The following CNTNAP2 variants were observed in gnomAD, a reference collection of about 807,000 sequenced individuals.
CNTNAP2 encodes the protein contactin associated protein 2.
Under a neutral mutation model 155.2 loss-of-function variants are expected in CNTNAP2, and 98 were observed. The ratio of observed to expected loss-of-function variants is 0.63; its 90% CI spans 0.54 to 0.75. The LOEUF (loss-of-function observed/expected upper bound fraction) is 0.75, where lower values mean the gene tolerates loss of function less well. Ranked by LOEUF, CNTNAP2 falls within the 30% of genes least tolerant of loss-of-function variation. CNTNAP2 has a pLI of 0.00. For missense variants in CNTNAP2, 1,727 were observed against 1,688.1 expected (o/e 1.02, Z -0.40); for synonymous variants, 651 against 631.2 (o/e 1.03, Z -0.47).
At chr7:147,714,827 A>C (rs1414364680) in intron 13 of CNTNAP2, among the ~76,000 whole-genome samples, 1 of 151,308 alleles carries the variant, frequency 6.6e-6, no homozygotes, top group Non-Finnish European at 1.5e-5. Context: ...TGTGCTACTT[A>C]TTTACAGCGG....
intron 18 of CNTNAP2, among the ~76,000 whole-genome samples, chr7:148,202,603 A>C (rs1795385664): frequency 6.6e-6 from 1 of 152,198 alleles, no homozygotes; most frequent in South Asian, 2.1e-4. Flanking sequence ...AGCATCTACA[A>C]AGGGGAAAAA....
intron 3 of CNTNAP2, among the ~76,000 whole-genome samples, chr7:146,851,120 G>T (rs1163440735): frequency 6.6e-6 from 1 of 151,990 alleles, no homozygotes; most frequent in Non-Finnish European, 1.5e-5. Flanking sequence ...GAGTAGCTTG[G>T]ATTACAGGCA....
intron 13 of CNTNAP2, among the ~76,000 whole-genome samples, chr7:147,817,379 T>C (rs185654743): frequency 1.3e-5 from 2 of 152,334 alleles, no homozygotes; most frequent in Admixed American, 1.3e-4. Context: ...ATCACTGTTA[T>C]CTTGTGAGAC....
Position 147,819,037 on chromosome 7 carries a change from AC to A in CNTNAP2, c.2099-84527del, listed in dbSNP as rs1347804122. Reference sequence around the variant, plus strand: ...CTTGCCGCATTTCTCACTCTGTTCTACAGAGCAATTTGGTTTACAGGTAATT... The same window carrying A: ...CTTGCCGCATTTCTCACTCTGTTCTAAGAGCAATTTGGTTTACAGGTAATT... On this transcript the variant is annotated intron_variant, in intron 13 of 23. Coordinates refer to ENST00000361727, the MANE Select transcript of CNTNAP2 (RefSeq NM_014141.6). Among the ~76,000 whole-genome samples, 3 of 152,148 alleles carry A rather than the reference AC, an allele frequency of 2.0e-5. No individual in the cohort carries two copies. In the East Asian group the frequency reaches 5.8e-4, roughly 29 times the overall value.
At chr7:148,402,346 AG>A (rs1461986330) in intron 22 of CNTNAP2, among the ~76,000 whole-genome samples, 3 of 152,148 alleles carry the variant, frequency 2.0e-5, no homozygotes, top group African/African-American at 7.2e-5. Flanking sequence ...TAGGAAGTGA[AG>A]GGTAGAGAGA....
chr7:146,525,568 CT>C (rs1797677986), intron 1 of CNTNAP2, among the ~76,000 whole-genome samples: 4 of 141,232 alleles, frequency 2.8e-5, no homozygotes, highest in African/African-American at 1.3e-4. Flanking sequence ...ATCTATCTAT[CT>C]ATCTATCTCT....
At chr7:148,174,231 A>T (rs1050035689) in intron 18 of CNTNAP2, among the ~76,000 whole-genome samples, 1 of 152,240 alleles carries the variant, frequency 6.6e-6, no homozygotes, top group Non-Finnish European at 1.5e-5. Flanking sequence ...TTCTGAGTCA[A>T]GTACCTCCTT....
At chr7:146,176,638 G>C (rs557613914) in intron 1 of CNTNAP2, among the ~76,000 whole-genome samples, 10 of 152,158 alleles carry the variant, frequency 6.6e-5, no homozygotes, top group South Asian at 6.2e-4. Context: ...AAATATGTGG[G>C]ATACCTACTA....
intron 1 of CNTNAP2, among the ~76,000 whole-genome samples, chr7:146,216,499 C>A (rs556552929): frequency 6.6e-6 from 1 of 152,242 alleles, no homozygotes; most frequent in South Asian, 2.1e-4. Flanking sequence ...TTTCTTTGCA[C>A]TCCCCGAAGC....
chr7:147,624,646 A>G (rs10265680), intron 12 of CNTNAP2, among the ~76,000 whole-genome samples: 57,692 of 152,020 alleles, frequency 0.38, 12,901 homozygotes, highest in African/African-American at 0.61. Flanking sequence ...GGAAATCCTC[A>G]TACACTGTTG....
chr7:147,064,961 A>G (rs926540371), intron 4 of CNTNAP2, among the ~76,000 whole-genome samples: 16 of 152,176 alleles, frequency 1.1e-4, no homozygotes, highest in Admixed American at 8.5e-4. Flanking sequence ...CAAATGAAAA[A>G]TAAAATGCTG....
At chr7:148,334,372 C>T (rs1162717957) in intron 21 of CNTNAP2, among the ~76,000 whole-genome samples, 2 of 152,080 alleles carry the variant, frequency 1.3e-5, no homozygotes, top group Admixed American at 6.6e-5. Context: ...GACAGTCAAT[C>T]GGGTGGCCTA....
intron 8 of CNTNAP2, among the ~76,000 whole-genome samples, chr7:147,140,841 A>G (rs372178824): frequency 6.6e-6 from 1 of 152,116 alleles, no homozygotes; most frequent in Non-Finnish European, 1.5e-5. Flanking sequence ...TCTGGAGCTC[A>G]TTGGTAGTTA....
intron 3 of CNTNAP2, among the ~76,000 whole-genome samples, chr7:146,913,945 A>C (rs940469729): frequency 2.6e-5 from 4 of 151,990 alleles, no homozygotes; most frequent in African/African-American, 9.6e-5. Context: ...CCCTTGTAAC[A>C]TTCTTATGCC....
chr7:147,528,901 A>T (rs1295533227), intron 11 of CNTNAP2, among the ~76,000 whole-genome samples: 1 of 152,240 alleles, frequency 6.6e-6, no homozygotes, highest in Admixed American at 6.5e-5. Flanking sequence ...ACAGTAGATG[A>T]GCTCAGAACA....
At chr7:148,099,515 T>C (rs545243181) in intron 15 of CNTNAP2, among the ~76,000 whole-genome samples, 2 of 151,518 alleles carry the variant, frequency 1.3e-5, no homozygotes, top group East Asian at 3.9e-4. Context: ...GCCTCACTTG[T>C]GGATGGTACA....
chr7:147,784,067 C>T (rs372227134), intron 13 of CNTNAP2, among the ~76,000 whole-genome samples: 3 of 152,128 alleles, frequency 2.0e-5, no homozygotes, highest in African/African-American at 7.2e-5. Context: ...TGCATCACTT[C>T]AATCTCTGCC....
intron 3 of CNTNAP2, among the ~76,000 whole-genome samples, chr7:147,007,645 G>T (rs1249924315): frequency 6.6e-6 from 1 of 150,946 alleles, no homozygotes; most frequent in Non-Finnish European, 1.5e-5. Flanking sequence ...TTTTTTTCTG[G>T]GTTTCCTATA....
chr7:146,781,227 C>CA (rs375760321), intron 2 of CNTNAP2, among the ~76,000 whole-genome samples: 4,841 of 87,204 alleles, frequency 0.056, 173 homozygotes, highest in African/African-American at 0.11. Flanking sequence ...GACTCCATCT[C>CA]AAAAAAAAAA....
Sources: allele counts gnomAD v4.1 joint callset (sites outside exome capture counted in the v4.1 genomes callset), GRCh38; gene constraint gnomAD v4.1.1; transcripts MANE v1.5; gene names NCBI Gene and HGNC (gene_info 2026-07-23, HGNC 2026-07-21).